DRC11: variants seen among roughly 807,000 people sequenced by gnomAD.
DRC11 encodes the protein IQ and AAA domain-containing protein 1.
At chr2:236,476,389 C>T in the DRC11 span, among the ~76,000 whole-genome samples, 5 of 152,042 alleles carry the variant, frequency 3.3e-5, no homozygotes, top group East Asian at 9.7e-4. The surrounding 1 kb of genome is among the most constrained non-coding windows in gnomAD (Gnocchi z 4.7). Context: ...TATAGAAATG[C>T]TACTGATTTT....
chr2:236,357,031 T>TCATATATTATATATC, the DRC11 span, among the ~76,000 whole-genome samples: 4 of 77,504 alleles, frequency 5.2e-5, no homozygotes, highest in African/African-American at 1.6e-4. Context: ...ATCTATATAT[T>TCATATATTATATATC]TATATATTCA....
the DRC11 span, among the ~76,000 whole-genome samples, chr2:236,358,393 A>AAT: frequency 0.16 from 22,405 of 135,836 alleles, 2,374 homozygotes; most frequent in Non-Finnish European, 0.22. Flanking sequence ...ATGATATATG[A>AAT]ATATCATATA....
the DRC11 span, among the ~76,000 whole-genome samples, chr2:236,322,383 C>T: frequency 2.6e-5 from 4 of 151,482 alleles, no homozygotes; most frequent in South Asian, 2.1e-4. Flanking sequence ...TACAGGTGCC[C>T]GCCACCCCAC....
chr2:236,401,861 TG>T, the DRC11 span, among the ~76,000 whole-genome samples: 1 of 152,196 alleles, frequency 6.6e-6, no homozygotes, highest in African/African-American at 2.4e-5. This position sits in a 1 kb window ranked among gnomAD's most constrained non-coding sequence, Gnocchi z 4.6. Flanking sequence ...GCATCCCTCG[TG>T]ATTTTTGCCA....
the DRC11 span, chr2:236,380,734 G>A: frequency 2.5e-5 from 21 of 852,064 alleles, no homozygotes; most frequent in Non-Finnish European, 3.6e-5. The surrounding 1 kb of genome is among the most constrained non-coding windows in gnomAD (Gnocchi z 4.9). Context: ...GGGGTGGTGG[G>A]AGGTGGAAAG....
At chr2:236,398,978 G>A in the DRC11 span, among the ~76,000 whole-genome samples, 1 of 151,950 alleles carries the variant, frequency 6.6e-6, no homozygotes, top group African/African-American at 2.4e-5. This position sits in a 1 kb window ranked among gnomAD's most constrained non-coding sequence, Gnocchi z 6.2. Context: ...GTATGCTTAA[G>A]GCCACCAAAA....
the DRC11 span, among the ~76,000 whole-genome samples, chr2:236,410,590 C>T: frequency 6.6e-6 from 1 of 150,738 alleles, no homozygotes; most frequent in Non-Finnish European, 1.5e-5. Context: ...ATCGCCAAGT[C>T]AATCCTAAGC....
the DRC11 span, among the ~76,000 whole-genome samples, chr2:236,425,993 T>A: frequency 7.9e-5 from 12 of 152,074 alleles, no homozygotes; most frequent in African/African-American, 2.9e-4. Flanking sequence ...CTGATCTTTA[T>A]GTCTGTTTTT....
the DRC11 span, chr2:236,324,739 C>T: frequency 1.1e-5 from 17 of 1,605,896 alleles, no homozygotes; most frequent in South Asian, 3.4e-5. The surrounding 1 kb of genome is among the most constrained non-coding windows in gnomAD (Gnocchi z 5.7). Flanking sequence ...CTCCTGTTAT[C>T]GCCAAGGCAC....
the DRC11 span, among the ~76,000 whole-genome samples, chr2:236,469,866 T>C: frequency 6.6e-6 from 1 of 152,170 alleles, no homozygotes; most frequent in Non-Finnish European, 1.5e-5. The surrounding 1 kb of genome is among the most constrained non-coding windows in gnomAD (Gnocchi z 5.8). Flanking sequence ...GAGAACACGA[T>C]AGTATGCTAT....
chr2:236,483,606 G>C, the DRC11 span, among the ~76,000 whole-genome samples: 1 of 152,222 alleles, frequency 6.6e-6, no homozygotes, highest in African/African-American at 2.4e-5. This position sits in a 1 kb window ranked among gnomAD's most constrained non-coding sequence, Gnocchi z 4.8. Context: ...CTGGAACATG[G>C]ACTTGAATTC....
the DRC11 span, among the ~76,000 whole-genome samples, chr2:236,457,831 C>T: frequency 6.6e-6 from 1 of 152,162 alleles, no homozygotes; most frequent in Admixed American, 6.5e-5. This position sits in a 1 kb window ranked among gnomAD's most constrained non-coding sequence, Gnocchi z 4.7. Flanking sequence ...GGGAGTACAG[C>T]CCTGCCAGCA....
chr2:236,331,341 A>G, the DRC11 span: 4 of 1,552,596 alleles, frequency 2.6e-6, no homozygotes. This position sits in a 1 kb window ranked among gnomAD's most constrained non-coding sequence, Gnocchi z 4.8. Context: ...AGACTTGGTC[A>G]TCAGGGTGTT....
At chr2:236,444,525 C>T in the DRC11 span, among the ~76,000 whole-genome samples, 1 of 152,178 alleles carries the variant, frequency 6.6e-6, no homozygotes, top group African/African-American at 2.4e-5. Flanking sequence ...GAGAGCCAGG[C>T]ACCCTGGGGA....
the DRC11 span, among the ~76,000 whole-genome samples, chr2:236,364,739 G>A: frequency 1.3e-5 from 2 of 152,298 alleles, no homozygotes; most frequent in South Asian, 2.1e-4. Flanking sequence ...TCTGGAAAGT[G>A]CTGTGATCAA....
chr2:236,366,779 C>T, the DRC11 span, among the ~76,000 whole-genome samples: 5 of 131,530 alleles, frequency 3.8e-5, no homozygotes, highest in African/African-American at 1.5e-4. Flanking sequence ...CCCTCCCTCC[C>T]TCCCTCTCCC....
chr2:236,493,862 T>G, the DRC11 span: 1 of 1,606,732 alleles, frequency 6.2e-7, no homozygotes, highest in Non-Finnish European at 8.5e-7. Context: ...CAAAAAATAC[T>G]TGGGTATGGG....
At chr2:236,447,257 G>T in the DRC11 span, among the ~76,000 whole-genome samples, 1 of 151,678 alleles carries the variant, frequency 6.6e-6, no homozygotes, top group Non-Finnish European at 1.5e-5. This position sits in a 1 kb window ranked among gnomAD's most constrained non-coding sequence, Gnocchi z 4.6. Flanking sequence ...GTTGGAAACA[G>T]AATCACTGCA....
At chr2:236,389,154 G>C in the DRC11 span, among the ~76,000 whole-genome samples, 2 of 152,252 alleles carry the variant, frequency 1.3e-5, no homozygotes, top group African/African-American at 4.8e-5. Flanking sequence ...AGCCTACAGA[G>C]GCAGGCACGC....
Sources: gnomAD v4.1 joint callset for allele counts (sites outside exome capture counted in the v4.1 genomes callset) on GRCh38, gnomAD v4.1.1 for gene constraint, Gnocchi (gnomAD v3.1) non-coding constraint, MANE v1.5 for transcripts, NCBI Gene and HGNC (gene_info 2026-07-23, HGNC 2026-07-21) for gene names.